EHBP1: variants seen among roughly 807,000 people sequenced by gnomAD.
EHBP1 encodes EH domain binding protein 1, also known as EH domain-binding protein 1.
EHBP1 carries 55 observed loss-of-function variants against 144.0 expected under a neutral mutation model. That is an observed-to-expected ratio of 0.38 (90% CI 0.31 to 0.48). EHBP1 has a LOEUF of 0.48. Among genes scored for constraint, EHBP1 ranks in the 20% least tolerant of loss-of-function variants. The pLI is 0.98. For missense variants in EHBP1, 1,200 were observed against 1,364.2 expected, an observed-to-expected ratio of 0.88 and a Z score of 1.90; for synonymous variants, 469 against 472.7, an observed-to-expected ratio of 0.99 and a Z score of 0.10.
At chr2:62,727,411 A>G (rs546381999) in intron 2 of EHBP1, among the ~76,000 whole-genome samples, 1 of 151,802 alleles carries the variant, frequency 6.6e-6, no homozygotes, top group Non-Finnish European at 1.5e-5. Flanking sequence ...CATAGTCACT[A>G]TCTAATTTTG....
At chr2:62,839,376 G>A (rs543923443) in intron 7 of EHBP1, among the ~76,000 whole-genome samples, 7 of 135,200 alleles carry the variant, frequency 5.2e-5, no homozygotes, top group South Asian at 2.7e-4. Flanking sequence ...CAAACCCACA[G>A]CCAATATCAT....
chr2:62,737,991 A>G (rs2038322089), intron 2 of EHBP1, among the ~76,000 whole-genome samples: 1 of 152,078 alleles, frequency 6.6e-6, no homozygotes, highest in South Asian at 2.1e-4. Flanking sequence ...TCTTGAACTC[A>G]TGGCTTCAAG....
At chr2:62,956,080 T>C (rs2057679654) in intron 14 of EHBP1, 1 of 152,866 alleles carries the variant, frequency 6.5e-6, no homozygotes, top group Non-Finnish European at 1.5e-5. Context: ...CTTAACTCCA[T>C]GGAGACTGAG....
intron 13 of EHBP1, among the ~76,000 whole-genome samples, chr2:62,955,011 C>T (rs1035723692): frequency 3.3e-5 from 5 of 151,854 alleles, no homozygotes; most frequent in Non-Finnish European, 7.4e-5. Flanking sequence ...ATGGGGAAGA[C>T]TAGTTTTACT....
At chr2:62,834,142 C>A (rs1391582363) in intron 7 of EHBP1, among the ~76,000 whole-genome samples, 2 of 152,164 alleles carry the variant, frequency 1.3e-5, no homozygotes, top group African/African-American at 2.4e-5. Context: ...AGCTTCTTGA[C>A]ATGGAACCTA....
At chr2:62,756,110 CAAAAA>C (rs774426114) in intron 3 of EHBP1, among the ~76,000 whole-genome samples, 2 of 100,162 alleles carry the variant, frequency 2.0e-5, no homozygotes, top group Non-Finnish European at 2.1e-5. Context: ...CCCCTCTCTA[CAAAAA>C]AAAAAAAAAA....
At chr2:62,896,934 A>G (rs890963820) in intron 10 of EHBP1, among the ~76,000 whole-genome samples, 1 of 152,178 alleles carries the variant, frequency 6.6e-6, no homozygotes, top group Non-Finnish European at 1.5e-5. Context: ...GTAGCTGATT[A>G]CTTTTTCCTT....
At chr2:62,847,697 G>A (rs1026560705) in intron 7 of EHBP1, among the ~76,000 whole-genome samples, 1 of 152,252 alleles carries the variant, frequency 6.6e-6, no homozygotes, top group East Asian at 1.9e-4. Context: ...TTAAGAAAAT[G>A]TACGAGCAAG....
At chr2:62,675,953 A>T (rs1444844537) in intron 1 of EHBP1, among the ~76,000 whole-genome samples, 1 of 152,106 alleles carries the variant, frequency 6.6e-6, no homozygotes, top group East Asian at 1.9e-4. Flanking sequence ...AAGGGGTTTC[A>T]CCATATTGCC....
intron 5 of EHBP1, among the ~76,000 whole-genome samples, chr2:62,805,875 C>A (rs760071622): frequency 4.6e-5 from 7 of 152,154 alleles, no homozygotes; most frequent in Non-Finnish European, 7.4e-5. Context: ...TTTTTTGAAT[C>A]ACTCTGACAA....
At chr2:62,684,330 G>A (rs956791081) in intron 1 of EHBP1, among the ~76,000 whole-genome samples, 1 of 152,060 alleles carries the variant, frequency 6.6e-6, no homozygotes, top group African/African-American at 2.4e-5. Context: ...AGTGGGGGAG[G>A]TAAAATTACT....
At chr2:62,738,272 G>T (rs1350928527) in intron 2 of EHBP1, among the ~76,000 whole-genome samples, 1 of 152,002 alleles carries the variant, frequency 6.6e-6, no homozygotes. Flanking sequence ...TTCCCAGTCA[G>T]GTCTATCAGA....
At chr2:62,774,393 G>T (rs1281972732) in intron 5 of EHBP1, among the ~76,000 whole-genome samples, 2 of 150,810 alleles carry the variant, frequency 1.3e-5, no homozygotes, top group African/African-American at 2.4e-5. Flanking sequence ...AAAAAAAAGA[G>T]AGAAAAGAAA....
At chr2:63,011,204 G>T (rs1356906255) in intron 19 of EHBP1, among the ~76,000 whole-genome samples, 2 of 137,030 alleles carry the variant, frequency 1.5e-5, no homozygotes, top group Admixed American at 1.4e-4. Context: ...GTTGAGAAAA[G>T]AAGTTTGCTT....
Position 62,734,450 on chromosome 2 carries a change from A to C in EHBP1, c.105-12945A>C, listed in dbSNP as rs568283512. Among the ~76,000 whole-genome samples, 68 of 148,798 alleles carry C rather than the reference A, an allele frequency of 4.6e-4. 1 individual carries two copies. The highest frequency in any genetic ancestry group is 1.5e-3 in the African/African-American group (60 of 40,548). ...AATATATATATATAATTCATTGTAGATTGTTTCACAAGCATGTAAGCAACC... is the reference window on the plus strand; with the variant it reads ...AATATATATATATAATTCATTGTAGCTTGTTTCACAAGCATGTAAGCAACC... On this transcript the variant is annotated intron_variant, in intron 2 of 22. Coordinates refer to ENST00000431489, the MANE Select transcript of EHBP1 (RefSeq NM_001142616.3).
chr2:62,842,706 G>C (rs1365333970), intron 7 of EHBP1, among the ~76,000 whole-genome samples: 1 of 152,076 alleles, frequency 6.6e-6, no homozygotes, highest in East Asian at 1.9e-4. Flanking sequence ...TTATTAATTG[G>C]ATCTTTTTAG....
intron 19 of EHBP1, among the ~76,000 whole-genome samples, chr2:63,027,163 T>C (rs1002719394): frequency 1.3e-5 from 2 of 152,168 alleles, no homozygotes; most frequent in Non-Finnish European, 2.9e-5. Flanking sequence ...TTGAGATAAA[T>C]TATATAACCT....
intron 2 of EHBP1, among the ~76,000 whole-genome samples, chr2:62,734,763 G>A (rs112056003): frequency 0.022 from 3,311 of 152,222 alleles, 87 homozygotes; most frequent in African/African-American, 0.067. Flanking sequence ...GTGCGTGCAT[G>A]TGTGTGTTTT....
At chr2:62,868,728 T>G (rs1054233909) in intron 9 of EHBP1, among the ~76,000 whole-genome samples, 1 of 151,988 alleles carries the variant, frequency 6.6e-6, no homozygotes, top group African/African-American at 2.4e-5. Context: ...TTGGAGGATC[T>G]CTTGAGCCCA....
Sources: gnomAD v4.1 joint callset for allele counts (sites outside exome capture counted in the v4.1 genomes callset) on GRCh38, gnomAD v4.1.1 for gene constraint, MANE v1.5 for transcripts, NCBI Gene and HGNC (gene_info 2026-07-23, HGNC 2026-07-21) for gene names.